The following PACRG variants were observed in gnomAD, a reference collection of about 807,000 sequenced individuals.
PACRG encodes the protein parkin coregulated.
PACRG carries 29 observed loss-of-function variants against 29.7 expected under a neutral mutation model. The observed-to-expected ratio is 0.98, with a 90% CI of 0.73 to 1.33. PACRG has a LOEUF of 1.33. Ranked by LOEUF, PACRG falls within the 40% of genes most tolerant of loss-of-function variation. PACRG has a pLI of 0.00. For missense variants in PACRG, 279 were observed against 316.2 expected (o/e 0.88, Z 0.89); for synonymous variants, 116 against 118.7 (o/e 0.98, Z 0.15).
chr6:163,078,986 G>A (rs755027121), intron 3 of PACRG, among the ~76,000 whole-genome samples: 6 of 152,164 alleles, frequency 3.9e-5, no homozygotes, highest in Non-Finnish European at 7.3e-5. Flanking sequence ...CTGGGAGGGT[G>A]AGGGGCCTGA....
chr6:162,947,349 A>ATATGATATGTAAT (rs1491156729), intron 2 of PACRG, among the ~76,000 whole-genome samples: 3 of 41,764 alleles, frequency 7.2e-5, no homozygotes, highest in African/African-American at 3.2e-4. Flanking sequence ...TATAATGATT[A>ATATGATATGTAAT]CATATATATA....
intron 4 of PACRG, chr6:163,312,895 G>C (rs2128194529): frequency 3.1e-6 from 1 of 320,070 alleles, no homozygotes; most frequent in African/African-American, 2.3e-5. Context: ...TGAGATTATA[G>C]GTACATGCCA....
intron 4 of PACRG, among the ~76,000 whole-genome samples, chr6:163,178,087 G>A (rs982514972): frequency 3.9e-5 from 6 of 152,122 alleles, no homozygotes; most frequent in Non-Finnish European, 7.3e-5. Flanking sequence ...GAGAGCAGAC[G>A]GAGCTCAGCC....
intron 3 of PACRG, among the ~76,000 whole-genome samples, chr6:163,080,048 G>A (rs1392074419): frequency 1.3e-5 from 2 of 151,440 alleles, no homozygotes; most frequent in South Asian, 2.1e-4. Context: ...ACAGGTGCCC[G>A]CCACCACGCC....
intron 4 of PACRG, among the ~76,000 whole-genome samples, chr6:163,257,899 A>G (rs1177497186): frequency 6.6e-6 from 1 of 152,206 alleles, no homozygotes; most frequent in East Asian, 1.9e-4. Flanking sequence ...TAATTTTGGT[A>G]TGCTTATTTT....
intron 2 of PACRG, among the ~76,000 whole-genome samples, chr6:162,914,087 A>AT (rs1234696365): frequency 4.6e-5 from 7 of 151,830 alleles, no homozygotes; most frequent in Non-Finnish European, 1.0e-4. Flanking sequence ...CCAGCTTATC[A>AT]TTTTTTTCTT....
chr6:163,043,372 A>T (rs956459185), intron 2 of PACRG, among the ~76,000 whole-genome samples: 1 of 152,196 alleles, frequency 6.6e-6, no homozygotes, highest in Non-Finnish European at 1.5e-5. Flanking sequence ...CCTGGCCAAC[A>T]TGACAAAACC....
At chr6:162,816,802 T>C (rs1294830851) in intron 2 of PACRG, among the ~76,000 whole-genome samples, 1 of 151,976 alleles carries the variant, frequency 6.6e-6, no homozygotes, top group Non-Finnish European at 1.5e-5. Context: ...AACTCTTGAG[T>C]GTTGAAGGAA....
intron 4 of PACRG, among the ~76,000 whole-genome samples, chr6:163,140,414 A>G (rs1585259025): frequency 6.6e-6 from 1 of 152,304 alleles, no homozygotes; most frequent in South Asian, 2.1e-4. Flanking sequence ...CCTGCTGCTC[A>G]GAGGCAGAGG....
rs371648121 is a variant in PACRG, at chr6:162,813,501, G to A, written c.157-646G>A. Among the ~76,000 whole-genome samples, 125 of 152,138 alleles carry A rather than the reference G, an allele frequency of 8.2e-4. No individual in the cohort carries two copies. In the East Asian group the frequency reaches 0.012, roughly 14 times the overall value. ...TATTTCTTCTTCAATGAAAATTTCAGTTTTGGAGATGGAAGTTTCTCATCA... is the reference window on the plus strand; with the variant it reads ...TATTTCTTCTTCAATGAAAATTTCAATTTTGGAGATGGAAGTTTCTCATCA... On this transcript the variant is annotated intron_variant, in intron 1 of 4. Transcript: ENST00000366888.
intron 4 of PACRG, among the ~76,000 whole-genome samples, chr6:163,305,846 T>G (rs71567699): frequency 0.08 from 12,250 of 152,214 alleles, 529 homozygotes; most frequent in Non-Finnish European, 0.098. Flanking sequence ...CTACAGTATC[T>G]CCCCATCACT....
intron 2 of PACRG, among the ~76,000 whole-genome samples, chr6:163,002,295 C>T (rs1183070325): frequency 6.6e-6 from 1 of 152,150 alleles, no homozygotes; most frequent in East Asian, 1.9e-4. Flanking sequence ...TCACAGCATT[C>T]GTTCATTGCT....
intron 3 of PACRG, among the ~76,000 whole-genome samples, chr6:163,078,078 T>C (rs1812711171): frequency 6.6e-6 from 1 of 152,178 alleles, no homozygotes; most frequent in Non-Finnish European, 1.5e-5. Context: ...CTATCACTCT[T>C]CTAGTGTAAT....
At chr6:162,934,711 T>TTGGCTCC (rs1488182253) in intron 2 of PACRG, among the ~76,000 whole-genome samples, 5 of 152,180 alleles carry the variant, frequency 3.3e-5, no homozygotes, top group Non-Finnish European at 5.9e-5. Context: ...TCTGTAGTGT[T>TTGGCTCC]AATGTTTGGC....
chr6:163,297,782 G>T (rs1283849817), intron 4 of PACRG, among the ~76,000 whole-genome samples: 3 of 152,174 alleles, frequency 2.0e-5, no homozygotes, highest in African/African-American at 7.2e-5. Context: ...GTGAGTTCTT[G>T]CCTCTGATTA....
intron 3 of PACRG, among the ~76,000 whole-genome samples, chr6:163,063,499 A>T (rs1202526418): frequency 1.3e-5 from 2 of 152,228 alleles, no homozygotes; most frequent in Non-Finnish European, 2.9e-5. Flanking sequence ...ACATAGGGTC[A>T]TCTCCCAGAG....
At chr6:163,145,837 C>T (rs1020488417) in intron 4 of PACRG, among the ~76,000 whole-genome samples, 2 of 152,146 alleles carry the variant, frequency 1.3e-5, no homozygotes, top group African/African-American at 4.8e-5. Flanking sequence ...TTGGGTGTGT[C>T]TAGGGGGCAC....
chr6:163,074,978 G>A (rs918906240), intron 3 of PACRG, among the ~76,000 whole-genome samples: 1 of 152,012 alleles, frequency 6.6e-6, no homozygotes, highest in Non-Finnish European at 1.5e-5. Flanking sequence ...GGGTCACAGA[G>A]TGAGACTCTG....
intron 4 of PACRG, among the ~76,000 whole-genome samples, chr6:163,157,901 G>C (rs954941452): frequency 4.1e-4 from 62 of 152,284 alleles, no homozygotes; most frequent in African/African-American, 1.5e-3. Flanking sequence ...TTACTCCTTA[G>C]TAGACAACTA....
Sources: allele counts gnomAD v4.1 joint callset (sites outside exome capture counted in the v4.1 genomes callset), GRCh38; gene constraint gnomAD v4.1.1; transcripts MANE v1.5; gene names NCBI Gene and HGNC (gene_info 2026-07-23, HGNC 2026-07-21).